The following PACRGL variants were observed in gnomAD, a reference collection of about 807,000 sequenced individuals.
The protein encoded by PACRGL is PACRG-like protein.
A neutral mutation model predicts 34.5 loss-of-function variants in PACRGL; 38 were observed. That is an observed-to-expected ratio of 1.10 (90% CI 0.85 to 1.44). PACRGL has a LOEUF of 1.44. Among genes scored for constraint, PACRGL ranks in the 40% most tolerant of loss-of-function variants. The probability of loss-of-function intolerance (pLI) is 0.00; values close to 1 mark genes in which losing one functional copy is unlikely to be tolerated. For missense variants in PACRGL, 305 were observed against 281.4 expected, an observed-to-expected ratio of 1.08 and a Z score of -0.60; for synonymous variants, 128 against 100.1, an observed-to-expected ratio of 1.28 and a Z score of -1.66.
intron 5 of PACRGL, among the ~76,000 whole-genome samples, chr4:20,711,685 G>C (rs1737279855): frequency 6.6e-6 from 1 of 152,028 alleles, no homozygotes; most frequent in African/African-American, 2.4e-5. Context: ...TGTTGATTTT[G>C]TTTTGCTTTA....
At chr4:20,720,484 T>C (rs1742523393) in intron 7 of PACRGL, among the ~76,000 whole-genome samples, 3 of 152,234 alleles carry the variant, frequency 2.0e-5, no homozygotes, top group Admixed American at 6.5e-5. Context: ...TTCCTTTCCA[T>C]GTTTAGTGTT....
At position 20,728,772 on chromosome 4, in the gene PACRGL, A is replaced by ACACCAGAATAGATACCTGATTT. The variant is rs1553880770; in HGVS notation, c.*1432_*1453dup. 6.6e-6 allele frequency: 1 copy of ACACCAGAATAGATACCTGATTT among 152,496 alleles called. No individual in the cohort carries two copies. Among genetic ancestry groups the ACACCAGAATAGATACCTGATTT allele is most frequent in the Admixed American group, 6.6e-5 (1 of 15,260 alleles). The allele number at this position is 152,496 out of a possible 1,614,324, so 9.4% of individuals were successfully genotyped here. ...GGGCAGCTTTCAACATCCTATCTCT[A>ACACCAGAATAGATACCTGATTT]CACCAGAATAGATACCTGATTTATT... On this transcript the variant is annotated 3_prime_UTR_variant, in exon 9 of 9. Coordinates refer to ENST00000503585, the MANE Select transcript of PACRGL (RefSeq NM_001258345.3).
intron 3 of PACRGL, among the ~76,000 whole-genome samples, chr4:20,705,175 G>A (rs1037334706): frequency 6.7e-5 from 5 of 74,870 alleles, no homozygotes; most frequent in African/African-American, 3.1e-4. Context: ...AAAGGTCTCT[G>A]ACCTTTCCTG....
chr4:20,734,835 G>C, downstream of PACRGL: 1 of 571,736 alleles, frequency 1.7e-6, no homozygotes, highest in East Asian at 3.3e-5. Context: ...TCTGGATCTT[G>C]AACATTTAGC....
intron 6 of PACRGL, chr4:20,713,133 G>T: frequency 1.8e-6 from 1 of 564,378 alleles, no homozygotes; most frequent in South Asian, 3.2e-5. Context: ...ATGTACTAAA[G>T]GTAAAAAGGG....
downstream of PACRGL, among the ~76,000 whole-genome samples, chr4:20,755,194 G>A (rs2149352163): frequency 6.6e-6 from 1 of 152,248 alleles, no homozygotes; most frequent in Non-Finnish European, 1.5e-5. Context: ...CTTAATAACA[G>A]TCTTCCTGTG....
chr4:20,714,544 G>T (rs1035526960), intron 7 of PACRGL, among the ~76,000 whole-genome samples: 2 of 152,138 alleles, frequency 1.3e-5, no homozygotes, highest in African/African-American at 4.8e-5. Context: ...CCGTCATTAT[G>T]ATATTAGCTG....
At chr4:20,711,136 C>T (rs1478135882) in intron 5 of PACRGL, among the ~76,000 whole-genome samples, 1 of 151,858 alleles carries the variant, frequency 6.6e-6, no homozygotes, top group African/African-American at 2.4e-5. Flanking sequence ...AAACCTTAAG[C>T]CTTTTAAACC....
chr4:20,700,817 ATC>A lies in PACRGL; in HGVS notation c.-17+34_-17+35del, dbSNP rs553362182. ...ACTCCTCCCTCGGCCCCTTTAAAAA[ATC>A]TCTGTTTTTTCTTTATTTTTTTTCT... On this transcript the variant is annotated intron_variant, in intron 1 of 8. Coordinates refer to ENST00000503585, the MANE Select transcript of PACRGL (RefSeq NM_001258345.3). 3.2e-4 allele frequency: 49 copies of A among 151,974 alleles called. No individual in the cohort carries two copies. In the Middle Eastern group the frequency reaches 0.01, roughly 32 times the overall value. 9.4% of individuals were successfully genotyped at this position (151,974 alleles called of 1,614,324 possible). A position where few individuals can be genotyped will look rare whatever the true frequency, so the allele number is the denominator to read the frequency against.
chr4:20,716,043 G>C, intron 7 of PACRGL: 1 of 1,433,106 alleles, frequency 7.0e-7, no homozygotes, highest in Non-Finnish European at 9.2e-7. Flanking sequence ...TCTGTAAATT[G>C]CATTCAGGAA....
At chr4:20,704,576 A>G (rs750571015) in intron 2 of PACRGL, 43 bp downstream of exon 2, 18 of 1,613,186 alleles carry the variant, frequency 1.1e-5, no homozygotes, top group Admixed American at 1.0e-4. Context: ...AAGTTTGTTC[A>G]TGGCACTTTC....
chr4:20,713,060 T>C (rs1007254796), intron 6 of PACRGL, 138 bp downstream of exon 6: 1 of 961,936 alleles, frequency 1.0e-6, no homozygotes, highest in Non-Finnish European at 1.4e-6. Context: ...CTGACACATT[T>C]ACAGAATTAG....
intron 8 of PACRGL, among the ~76,000 whole-genome samples, chr4:20,744,020 C>G (rs535626318): frequency 6.6e-6 from 1 of 152,110 alleles, no homozygotes; most frequent in Non-Finnish European, 1.5e-5. Context: ...AAATGCTCAT[C>G]ATCACTGGCC....
At chr4:20,696,468 C>T (rs1486894708), upstream of PACRGL, 3 of 152,232 alleles carry the variant, frequency 2.0e-5, no homozygotes, top group Non-Finnish European at 4.4e-5. Flanking sequence ...AGATGCCACA[C>T]TCCTCCAAGC....
At chr4:20,748,894 G>GTATATATA (rs57841958) in intron 8 of PACRGL, among the ~76,000 whole-genome samples, 1 of 145,248 alleles carries the variant, frequency 6.9e-6, no homozygotes, top group Admixed American at 7.0e-5. Flanking sequence ...GTGTGTGTGT[G>GTATATATA]TATATATATA....
At chr4:20,696,932 T>C (rs1731268478), upstream of PACRGL, among the ~76,000 whole-genome samples, 1 of 152,266 alleles carries the variant, frequency 6.6e-6, no homozygotes, top group African/African-American at 2.4e-5. Flanking sequence ...GATAATATTT[T>C]GGACATATTG....
chr4:20,762,169 G>A, the PACRGL span, among the ~76,000 whole-genome samples: 1 of 152,160 alleles, frequency 6.6e-6, no homozygotes, highest in Non-Finnish European at 1.5e-5. Context: ...CCACATTCCT[G>A]GTTCATAGAT....
the PACRGL span, among the ~76,000 whole-genome samples, chr4:20,764,681 G>GACACACGCACACACACAC: frequency 1.5e-4 from 22 of 147,220 alleles, no homozygotes; most frequent in African/African-American, 5.6e-4. Flanking sequence ...ATGGGAATTG[G>GACACACGCACACACACAC]ACACACACAC....
At position 20,729,323 on chromosome 4, in the gene PACRGL, C is replaced by CTAAT. The variant is rs1445508045; in HGVS notation, c.*1983_*1986dup. ...TTCAACTTCCACTTAATGATTGATA[C>CTAAT]TAATGATTGATACAATAGAAAACAG... On this transcript the variant is annotated 3_prime_UTR_variant, in exon 9 of 9. Coordinates refer to ENST00000503585, the MANE Select transcript of PACRGL (RefSeq NM_001258345.3). 2 of 151,230 alleles carry CTAAT rather than the reference C, an allele frequency of 1.3e-5. No individual in the cohort carries two copies. Among genetic ancestry groups the CTAAT allele is most frequent in the Non-Finnish European group, 2.9e-5 (2 of 67,926 alleles). 9.4% of individuals were successfully genotyped at this position (151,230 alleles called of 1,614,324 possible). A position where few individuals can be genotyped will look rare whatever the true frequency, so the allele number is the denominator to read the frequency against.
Sources: allele counts gnomAD v4.1 joint callset (sites outside exome capture counted in the v4.1 genomes callset), GRCh38; gene constraint gnomAD v4.1.1; transcripts MANE v1.5; gene names NCBI Gene and HGNC (gene_info 2026-07-23, HGNC 2026-07-21).